Variants in SH3PXD2B observed in about 807,000 individuals in gnomAD.
The protein encoded by SH3PXD2B is SH3 and PX domains 2B, also known as SH3 and PX domain-containing protein 2B.
A neutral mutation model predicts 73.1 loss-of-function variants in SH3PXD2B; 37 were observed. The observed-to-expected ratio is 0.51, with a 90% confidence interval of 0.39 to 0.67. The LOEUF is 0.67. Among genes scored for constraint, SH3PXD2B ranks in the 30% least tolerant of loss-of-function variants. SH3PXD2B has a pLI of 0.00. For synonymous variants in SH3PXD2B, 457 were observed against 480.5 expected (o/e 0.95, Z 0.64); for missense variants, 1,053 against 1,197.8 (o/e 0.88, Z 1.78).
rs777163334 is a variant in SH3PXD2B, at chr5:172,362,791, G to A, written c.506C>T (p.Ser169Leu). 23 of 1,614,062 alleles carry A rather than the reference G, an allele frequency of 1.4e-5. No individual in the cohort carries two copies. Among genetic ancestry groups the A allele is most frequent in the East Asian group, 1.3e-4 (6 of 44,878 alleles). The change falls in exon 7 of 13, where the codon TCG becomes TTG. Residue 169 changes from serine to leucine, a missense_variant. This residue lies in a region of SH3PXD2B where 466 missense variants were observed against 607.1 expected (regional missense o/e 0.77). Transcript: ENST00000311601. ...CTGCCCCACGCTGAGGCTGATCTCC[G>A]AACTCTCCTGCTTCTGGTAGTTGGC... ...VVANYQKQES[S>L]EISLSVGQVV...
At chr5:172,408,534 CTTTTT>C (rs34377327) in intron 2 of SH3PXD2B, among the ~76,000 whole-genome samples, 1 of 92,670 alleles carries the variant, frequency 1.1e-5, no homozygotes, top group African/African-American at 5.0e-5. Flanking sequence ...TGGGTTATCA[CTTTTT>C]TTTTTTTTTT....
intron 1 of SH3PXD2B, among the ~76,000 whole-genome samples, chr5:172,438,053 C>T (rs180946205): frequency 1.1e-4 from 16 of 152,328 alleles, no homozygotes; most frequent in African/African-American, 3.8e-4. Context: ...ACCACACAGG[C>T]ACAACGTGGG....
Position 172,334,105 on chromosome 5 carries a change from A to T in SH3PXD2B, c.*4264T>A, listed in dbSNP as rs528871076. 1.8e-5 allele frequency: 20 copies of T among 1,123,506 alleles called. No individual in the cohort carries two copies. The South Asian group carries it at 3.8e-4, about 22-fold the overall frequency. The allele number at this position is 1,123,506 out of a possible 1,614,324, so 69.6% of individuals were successfully genotyped here. ...GAGCCCCTCATCCCTGATTGGAGCT[A>T]AGAAGGCTTACTTTGGAGTCGAGGA... is the stretch of plus-strand genomic sequence containing the variant. On this transcript the variant is annotated 3_prime_UTR_variant, in exon 13 of 13. Transcript: ENST00000311601.
chr5:172,391,008 A>C (rs1055145579), intron 4 of SH3PXD2B, among the ~76,000 whole-genome samples: 5 of 151,750 alleles, frequency 3.3e-5, no homozygotes, highest in Admixed American at 6.6e-5. Flanking sequence ...CGCCTGGCTA[A>C]TTTTGTATTT....
chr5:172,381,149 A>G (rs934174400), intron 5 of SH3PXD2B, among the ~76,000 whole-genome samples: 4 of 152,236 alleles, frequency 2.6e-5, no homozygotes, highest in African/African-American at 9.6e-5. Flanking sequence ...CTGGCTGCTC[A>G]GCAAACTCAG....
At position 172,424,145 on chromosome 5, in the gene SH3PXD2B, G is replaced by A. The variant is rs1759039505; in HGVS notation, c.76-1649C>T. 2.0e-5 allele frequency among the ~76,000 whole-genome samples: 3 copies of A among 152,208 alleles called. No homozygotes were observed. The South Asian group carries it at 6.2e-4, about 31-fold the overall frequency. On this transcript the variant is annotated intron_variant, in intron 1 of 12. Transcript: ENST00000311601. ...CTGAAGCTAAATTTATTCCTGGACTGTCCAGTTTCCTGGGCCAATAATTAT... is the reference window on the plus strand; with the variant it reads ...CTGAAGCTAAATTTATTCCTGGACTATCCAGTTTCCTGGGCCAATAATTAT...
chr5:172,332,753 T>C (rs1756584202), downstream of SH3PXD2B, among the ~76,000 whole-genome samples: 1 of 151,974 alleles, frequency 6.6e-6, no homozygotes, highest in Non-Finnish European at 1.5e-5. Flanking sequence ...GGGGTGGTGG[T>C]GTCCTGTTAG....
At chr5:172,333,399 A>G, downstream of SH3PXD2B, 1 of 703,784 alleles carries the variant, frequency 1.4e-6, no homozygotes, top group South Asian at 3.2e-5. Flanking sequence ...CAGTTCCCAA[A>G]CATAGCTGGC....
intron 1 of SH3PXD2B, among the ~76,000 whole-genome samples, chr5:172,452,658 G>A (rs112006629): frequency 0.013 from 2,022 of 152,314 alleles, 30 homozygotes; most frequent in Non-Finnish European, 0.022. Context: ...CCGGGCCTCG[G>A]TGGCAGTATC....
At chr5:172,414,204 C>T (rs1049530435) in intron 2 of SH3PXD2B, among the ~76,000 whole-genome samples, 2 of 152,190 alleles carry the variant, frequency 1.3e-5, no homozygotes, top group African/African-American at 4.8e-5. Flanking sequence ...CGCAGTGGCT[C>T]ACGCCTGTAA....
chr5:172,342,211 C>T (rs1756868048), intron 12 of SH3PXD2B, among the ~76,000 whole-genome samples: 1 of 152,164 alleles, frequency 6.6e-6, no homozygotes, highest in South Asian at 2.1e-4. Flanking sequence ...TTAAGCCACC[C>T]AGTCTGGTAT....
intron 1 of SH3PXD2B, among the ~76,000 whole-genome samples, chr5:172,431,173 C>A (rs1448754775): frequency 5.3e-5 from 8 of 152,230 alleles, no homozygotes; most frequent in Non-Finnish European, 1.2e-4. Flanking sequence ...AGGCTGTAAC[C>A]ACCTGTTCTG....
chr5:172,445,108 C>T lies in SH3PXD2B; in HGVS notation c.75+9170G>A, dbSNP rs139752756. The stretch of plus-strand genomic sequence containing the variant: ...GCAGCATCCCTCCCATGCTTTGTGA[C>T]TGGCCTCAGGTCACCTCTGCAGTGC... On this transcript the variant is annotated intron_variant, in intron 1 of 12. Coordinates refer to ENST00000311601, the MANE Select transcript of SH3PXD2B (RefSeq NM_001017995.3). This position sits in a 1 kb window ranked among gnomAD's most constrained non-coding sequence, Gnocchi z 5.2. Among the ~76,000 whole-genome samples, 14 of 152,360 alleles carry T rather than the reference C, an allele frequency of 9.2e-5. No individual in the cohort carries two copies. The highest frequency in any genetic ancestry group is 3.1e-4 in the African/African-American group (13 of 41,588).
intron 11 of SH3PXD2B, 117 bp from the exon 12 acceptor site, chr5:172,346,378 T>C: frequency 6.6e-7 from 1 of 1,509,038 alleles, no homozygotes; most frequent in Non-Finnish European, 9.1e-7. Flanking sequence ...GCTGGGGACC[T>C]AGTTGGATTC....
chr5:172,348,821 C>T (rs1757086942), intron 10 of SH3PXD2B, among the ~76,000 whole-genome samples: 1 of 152,134 alleles, frequency 6.6e-6, no homozygotes, highest in Non-Finnish European at 1.5e-5. Flanking sequence ...ATCCTCCCGC[C>T]TCAGCCACCC....
At chr5:172,388,227 AT>A (rs962063668) in intron 4 of SH3PXD2B, among the ~76,000 whole-genome samples, 11 of 152,218 alleles carry the variant, frequency 7.2e-5, no homozygotes, top group Non-Finnish European at 1.5e-5. Context: ...TGGTAGCTAA[AT>A]TTGGGGTATC....
intron 2 of SH3PXD2B, among the ~76,000 whole-genome samples, chr5:172,419,801 T>C (rs865897593): frequency 6.6e-6 from 1 of 152,224 alleles, no homozygotes; most frequent in Non-Finnish European, 1.5e-5. Context: ...TATTGTTCTG[T>C]ACCTCCTCTT....
chr5:172,339,452 G>A lies in SH3PXD2B; in HGVS notation c.1653C>T (p.Gly551=). ...TCACGCCCGGAGGCTTGGGAGTGGG[G>A]CCCCGGAGCTGCTCCGTCCTCTGCC... The part of the protein sequence containing the change: ...RERQRTEQLR[G]PTPKPPGVIL... The change falls in exon 13 of 13, where the codon GGC becomes GGT. Residue 551 remains glycine, a synonymous_variant. Coordinates refer to ENST00000311601, the MANE Select transcript of SH3PXD2B (RefSeq NM_001017995.3). This position sits in a 1 kb window ranked among gnomAD's most constrained non-coding sequence, Gnocchi z 6.1. 6.2e-7 allele frequency: 1 copy of A among 1,613,970 alleles called. No homozygotes were observed. The highest frequency in any genetic ancestry group is 1.1e-5 in the South Asian group (1 of 91,084).
At chr5:172,437,259 A>T (rs1290965438) in intron 1 of SH3PXD2B, among the ~76,000 whole-genome samples, 1 of 151,936 alleles carries the variant, frequency 6.6e-6, no homozygotes, top group Non-Finnish European at 1.5e-5. Flanking sequence ...CTTCGTGGAG[A>T]CCCTGGGTTC....
Sources: allele counts gnomAD v4.1 joint callset (sites outside exome capture counted in the v4.1 genomes callset), GRCh38; gene constraint gnomAD v4.1.1; regional missense constraint gnomAD v4.1.1; non-coding constraint Gnocchi (gnomAD v3.1); transcripts MANE v1.5; gene names NCBI Gene and HGNC (gene_info 2026-07-23, HGNC 2026-07-21).